Variants in ANKRD36 observed in about 807,000 individuals in gnomAD.
ANKRD36 encodes the protein ankyrin repeat domain 36.
ANKRD36 carries 179 observed loss-of-function variants against 278.1 expected under a neutral mutation model. That is an observed-to-expected ratio of 0.64 (90% CI 0.57 to 0.73). ANKRD36 has a LOEUF of 0.73. Ranked by LOEUF, ANKRD36 falls within the 30% of genes least tolerant of loss-of-function variation. ANKRD36 has a pLI of 0.00. For synonymous variants in ANKRD36, 320 were observed against 641.1 expected, an observed-to-expected ratio of 0.50 and a Z score of 7.57; for missense variants, 1,159 against 1,956.7, an observed-to-expected ratio of 0.59 and a Z score of 7.69.
In ANKRD36 at chr2:97,222,623, A is replaced by G. The variant is rs541586558; in HGVS notation, c.3878-2183A>G. ...ATATACCTGTTTGCCTTCTGATAGC[A>G]GTTTGAAACATAACAGTGTCATTTT... On this transcript the variant is annotated intron_variant, in intron 66 of 75. Transcript: ENST00000420699. Among the ~76,000 whole-genome samples, 10 of 152,256 alleles carry G rather than the reference A, an allele frequency of 6.6e-5. No homozygotes were observed. In the South Asian group the frequency reaches 1.9e-3, roughly 29 times the overall value.
At chr2:97,165,800 T>C (rs971172149) in intron 20 of ANKRD36, among the ~76,000 whole-genome samples, 1 of 152,300 alleles carries the variant, frequency 6.6e-6, no homozygotes, top group African/African-American at 2.4e-5. Flanking sequence ...GAAATGAAAA[T>C]CTTTCTGTTT....
At chr2:97,117,983 T>G in intron 1 of ANKRD36, 81 bp from the exon 2 acceptor site, 1 of 1,501,150 alleles carries the variant, frequency 6.7e-7, no homozygotes, top group Non-Finnish European at 8.9e-7. Context: ...GAAAATTACA[T>G]ATTTGTTTTG....
At chr2:97,132,569 A>G (rs907927247) in intron 6 of ANKRD36, among the ~76,000 whole-genome samples, 2 of 151,870 alleles carry the variant, frequency 1.3e-5, no homozygotes, top group African/African-American at 4.8e-5. Flanking sequence ...TGTTTTATAA[A>G]CAGCCTTCTG....
At chr2:97,203,230 C>T (rs1358823363) in intron 48 of ANKRD36, among the ~76,000 whole-genome samples, 1 of 151,774 alleles carries the variant, frequency 6.6e-6, no homozygotes, top group Non-Finnish European at 1.5e-5. Flanking sequence ...ATTTTAGAAA[C>T]AAAAATTATG....
At chr2:97,227,948 G>A (rs890829523) in intron 67 of ANKRD36, among the ~76,000 whole-genome samples, 1 of 152,086 alleles carries the variant, frequency 6.6e-6, no homozygotes, top group Non-Finnish European at 1.5e-5. Context: ...TTATTTATTT[G>A]CGTATATTGA....
chr2:97,154,144 A>C (rs1399468991), intron 14 of ANKRD36, among the ~76,000 whole-genome samples: 1 of 146,346 alleles, frequency 6.8e-6, no homozygotes, highest in Non-Finnish European at 1.5e-5. Flanking sequence ...GGTGAAGAGA[A>C]TCAATGGGCC....
rs541958775 is a variant in ANKRD36 at position 97,198,265 on chromosome 2, A to G, written c.2654-198A>G. ...ATCATACCATGTTTGAAATTCTAAG[A>G]CTATATTTCATGGAGCCTGTATTCC... On this transcript the variant is annotated intron_variant, in intron 42 of 75. Transcript: ENST00000420699. Among the ~76,000 whole-genome samples, 11 of 151,950 alleles carry G rather than the reference A, an allele frequency of 7.2e-5. No homozygotes were observed. The East Asian group carries it at 2.0e-3, about 27-fold the overall frequency.
intron 15 of ANKRD36, among the ~76,000 whole-genome samples, chr2:97,154,991 A>T (rs1327256297): frequency 1.4e-5 from 2 of 143,632 alleles, no homozygotes; most frequent in African/African-American, 4.9e-5. Flanking sequence ...GCTGGAAAAT[A>T]CATAGTGACA....
At position 97,167,681 on chromosome 2, in the gene ANKRD36, T is replaced by C; in HGVS notation, c.1561-14T>C. 6.5e-7 allele frequency: 1 copy of C among 1,536,708 alleles called. No homozygotes were observed. The highest frequency in any genetic ancestry group is 8.7e-7 in the Non-Finnish European group (1 of 1,146,556). Reference sequence around the variant, plus strand: ...ACATGACATATTAATCATTATGTTGTAAAACCCATTCAGCTTACTCTGAAA... The same window carrying C: ...ACATGACATATTAATCATTATGTTGCAAAACCCATTCAGCTTACTCTGAAA... On this transcript the variant is annotated splice_polypyrimidine_tract_variant and intron_variant, in intron 21 of 75. Coordinates refer to ENST00000420699, the MANE Select transcript of ANKRD36 (RefSeq NM_001354587.1).
At chr2:97,220,345 A>G (rs1465902128) in intron 66 of ANKRD36, among the ~76,000 whole-genome samples, 1 of 149,516 alleles carries the variant, frequency 6.7e-6, no homozygotes, top group African/African-American at 2.5e-5. Context: ...CATTGTTTCT[A>G]ACTATAGTTT....
chr2:97,260,347 G>GATAT (rs71218080), intron 75 of ANKRD36, among the ~76,000 whole-genome samples: 7,667 of 116,808 alleles, frequency 0.066, 136 homozygotes, highest in Non-Finnish European at 0.083. Flanking sequence ...TATTTTAAAA[G>GATAT]ATATATATAT....
intron 36 of ANKRD36, 72 bp downstream of exon 36, chr2:97,191,253 T>G: frequency 6.9e-7 from 1 of 1,446,264 alleles, no homozygotes; most frequent in Non-Finnish European, 9.3e-7. Flanking sequence ...CTGAATGAAT[T>G]GGCCTGGGGC....
intron 6 of ANKRD36, among the ~76,000 whole-genome samples, chr2:97,131,015 A>G (rs1170463334): frequency 3.9e-5 from 6 of 151,940 alleles, no homozygotes; most frequent in Non-Finnish European, 8.8e-5. Context: ...TGTCTTTTAA[A>G]TTTTCAAATT....
At chr2:97,243,180 G>C (rs1437162177) in intron 69 of ANKRD36, among the ~76,000 whole-genome samples, 2 of 143,642 alleles carry the variant, frequency 1.4e-5, no homozygotes, top group Admixed American at 1.4e-4. Flanking sequence ...CGAGGTGGTC[G>C]GGGTGCAGCT....
At chr2:97,152,833 A>G (rs2046413435) in intron 14 of ANKRD36, among the ~76,000 whole-genome samples, 1 of 147,632 alleles carries the variant, frequency 6.8e-6, no homozygotes, top group Non-Finnish European at 1.5e-5. Context: ...CTAAGCATAG[A>G]TGGATAGAGG....
intron 20 of ANKRD36, among the ~76,000 whole-genome samples, chr2:97,165,812 A>G (rs1270736147): frequency 6.6e-6 from 1 of 152,298 alleles, no homozygotes; most frequent in Non-Finnish European, 1.5e-5. Flanking sequence ...TTTCTGTTTT[A>G]TATATTTGTT....
chr2:97,206,063 G>T lies in ANKRD36; in HGVS notation c.3091G>T (p.Ala1031Ser). 1 of 1,550,700 alleles carries T rather than the reference G, an allele frequency of 6.4e-7. No homozygotes were observed. The highest frequency in any genetic ancestry group is 8.7e-7 in the Non-Finnish European group (1 of 1,149,356). Residue 1031 changes from alanine to serine, a missense_variant and splice_region_variant, in exon 52 of 76, where the codon GCT becomes TCT. Ala to Ser is a moderately conservative substitution (Grantham distance 99). Coordinates refer to ENST00000420699, the MANE Select transcript of ANKRD36 (RefSeq NM_001354587.1). ...VSSQKPPTLK[A>S]TSDEEDSVLS... The stretch of plus-strand genomic sequence containing the variant: ...TTATTTTGTTTCAAATTCCATTCAG[G>T]CTACAAGTGATGAGGAAGATTCTGT...
rs767596032 is a variant in ANKRD36, at chr2:97,206,112, A to G, written c.3140A>G (p.Lys1047Arg). 6.5e-7 allele frequency: 1 copy of G among 1,544,754 alleles called. No individual in the cohort carries two copies. Among genetic ancestry groups the G allele is most frequent in the Non-Finnish European group, 8.7e-7 (1 of 1,147,218 alleles). ...GTTTTGAGTATAGCCAGAGAAAACA[A>G]GGATGGAGAAAAATCTAGGACAGGT... ...DSVLSIAREN[K>R]DGEKSRTVSS... Residue 1047 changes from lysine (K) to arginine (R), a missense_variant, in exon 52 of 76, where the codon AAG (lysine) becomes AGG (arginine). Coordinates refer to ENST00000420699, the MANE Select transcript of ANKRD36 (RefSeq NM_001354587.1).
At chr2:97,205,414 A>G (rs1461161853) in intron 50 of ANKRD36, among the ~76,000 whole-genome samples, 1 of 151,558 alleles carries the variant, frequency 6.6e-6, no homozygotes, top group African/African-American at 2.4e-5. Context: ...ATCCAAGGTG[A>G]TCAATTTAGG....
Sources: gnomAD v4.1 joint callset for allele counts (sites outside exome capture counted in the v4.1 genomes callset) on GRCh38, gnomAD v4.1.1 for gene constraint, MANE v1.5 for transcripts, NCBI Gene and HGNC (gene_info 2026-07-23, HGNC 2026-07-21) for gene names.